PRSS55: variants seen among roughly 807,000 people sequenced by gnomAD.
PRSS55 encodes serine protease 55.
A neutral mutation model predicts 23.6 loss-of-function variants in PRSS55; 41 were observed. The observed-to-expected ratio is 1.74, with a 90% confidence interval of 1.35 to 2.26. The LOEUF (loss-of-function observed/expected upper bound fraction) is 2.26, where lower values mean the gene tolerates loss of function less well. Among genes scored for constraint, PRSS55 ranks in the 30% most tolerant of loss-of-function variants. The pLI, the probability that PRSS55 is intolerant of heterozygous loss-of-function variation, is 0.00. For missense variants in PRSS55, 669 were observed against 439.1 expected, an observed-to-expected ratio of 1.52 and a Z score of -4.68; for synonymous variants, 262 against 175.5, an observed-to-expected ratio of 1.49 and a Z score of -3.90.
intron 4 of PRSS55, chr8:10,545,004 C>CA (rs1812780485): frequency 1.0e-6 from 1 of 985,084 alleles, no homozygotes; most frequent in Admixed American, 6.1e-5. Flanking sequence ...TCTGTTGACC[C>CA]AGCCTCAACA....
chr8:10,549,445 T>A (rs1460855763), intron 4 of PRSS55, among the ~76,000 whole-genome samples: 2 of 152,174 alleles, frequency 1.3e-5, no homozygotes, highest in Non-Finnish European at 2.9e-5. Context: ...GATGATGGCA[T>A]CGGCATGTTG....
chr8:10,542,386 G>A (rs1052041558), downstream of PRSS55, among the ~76,000 whole-genome samples: 1 of 136,704 alleles, frequency 7.3e-6, no homozygotes, highest in Non-Finnish European at 1.5e-5. Flanking sequence ...CAATTGTTAG[G>A]TATTTCATTT....
At chr8:10,532,876 C>G in intron 3 of PRSS55, 30 bp from the exon 4 acceptor site, 1 of 1,613,638 alleles carries the variant, frequency 6.2e-7, no homozygotes, top group Non-Finnish European at 8.5e-7. Context: ...GGCCCAGTGG[C>G]TTCTCTAATG....
intron 4 of PRSS55, among the ~76,000 whole-genome samples, chr8:10,545,495 T>A (rs1445700962): frequency 6.6e-6 from 1 of 152,244 alleles, no homozygotes; most frequent in Non-Finnish European, 1.5e-5. Flanking sequence ...TCCATTTCTA[T>A]GCTTATCTCT....
chr8:10,544,889 ATTTAAC>A (rs1812776177), intron 4 of PRSS55: 2 of 463,098 alleles, frequency 4.3e-6, no homozygotes, highest in Non-Finnish European at 5.7e-6. Flanking sequence ...TTGTTACATT[ATTTAAC>A]TTTATGTCTC....
chr8:10,538,709 G>T lies in PRSS55; in HGVS notation c.975G>T (p.Ser325=). Reference sequence around the variant, plus strand: ...AGAAACCTATGGGCTCCCCAGTCTCGGGAGTCCCAGAGCCAGGCAGCCCCA... The same window carrying T: ...AGAAACCTATGGGCTCCCCAGTCTCTGGAGTCCCAGAGCCAGGCAGCCCCA... The part of the protein sequence containing the change: ...VKQKPMGSPV[S]GVPEPGSPRS... The change falls in exon 5 of 5, where the codon TCG becomes TCT. Residue 325 remains serine (S), a synonymous_variant. Coordinates refer to ENST00000328655, the MANE Select transcript of PRSS55 (RefSeq NM_198464.4). 2 of 1,613,960 alleles carry T rather than the reference G, an allele frequency of 1.2e-6. No homozygotes were observed. Among genetic ancestry groups the T allele is most frequent in the Non-Finnish European group, 1.7e-6 (2 of 1,179,952 alleles).
chr8:10,527,189 G>A lies in PRSS55; in HGVS notation c.154+1450G>A, dbSNP rs7815715. Among the ~76,000 whole-genome samples, 10 of 152,220 alleles carry A rather than the reference G, an allele frequency of 6.6e-5. No individual in the cohort carries two copies. In the East Asian group the frequency reaches 1.9e-3, roughly 29 times the overall value. On this transcript the variant is annotated intron_variant, in intron 1 of 4. Transcript: ENST00000328655. The stretch of plus-strand genomic sequence containing the variant: ...AACATTTTCCTGTGTTGTTAAAAAT[G>A]CCCCATGAGCCTAACTTTGTGGCTG...
Position 10,531,525 on chromosome 8 carries a change from G to A in PRSS55, c.578G>A (p.Gly193Asp). Residue 193 changes from glycine (G) to aspartate (D), a missense_variant, in exon 3 of 5, where the codon GGT becomes GAT. Physicochemically the swap from Gly to Asp is moderately conservative, Grantham distance 94 (BLOSUM62 -1). Transcript: ENST00000328655. Reference sequence around the variant, plus strand: ...ACATGGCGCGAATGCTGGGTGGCAGGTTGGGGCCAGACCAATGCTGGTATG... The same window carrying A: ...ACATGGCGCGAATGCTGGGTGGCAGATTGGGGCCAGACCAATGCTGGTATG... ...PATWRECWVAGWGQTNAADKN... is the reference protein window; with the variant it reads ...PATWRECWVADWGQTNAADKN... The A allele has an allele frequency of 2.5e-6, 4 of 1,613,704 alleles. No homozygotes were observed. The highest frequency in any genetic ancestry group is 2.2e-5 in the East Asian group (1 of 44,884).
Position 10,531,521 on chromosome 8 carries a change from G to A in PRSS55, c.574G>A (p.Ala192Thr). The A allele has an allele frequency of 6.2e-7, 1 of 1,613,716 alleles. No individual in the cohort carries two copies. Among genetic ancestry groups the A allele is most frequent in the Non-Finnish European group, 8.5e-7 (1 of 1,180,044 alleles). The change falls in exon 3 of 5, where the codon GCA becomes ACA. Residue 192 changes from alanine (A) to threonine (T), a missense_variant. Coordinates refer to ENST00000328655, the MANE Select transcript of PRSS55 (RefSeq NM_198464.4). ...TGCCACATGGCGCGAATGCTGGGTG[G>A]CAGGTTGGGGCCAGACCAATGCTGG... ...GPATWRECWVAGWGQTNAADK... is the reference protein window; with the variant it reads ...GPATWRECWVTGWGQTNAADK...
intron 2 of PRSS55, among the ~76,000 whole-genome samples, chr8:10,531,032 A>G (rs909956646): frequency 2.0e-5 from 3 of 152,216 alleles, no homozygotes; most frequent in Non-Finnish European, 4.4e-5. Flanking sequence ...TGTATTAGAC[A>G]GAAGCACCTC....
chr8:10,540,697 A>T (rs992189487), downstream of PRSS55: 2 of 152,188 alleles, frequency 1.3e-5, no homozygotes, highest in African/African-American at 4.8e-5. Context: ...CCTGGGCATC[A>T]AGAGTGAACT....
downstream of PRSS55, chr8:10,538,824 G>A (rs1230443053): frequency 1.3e-6 from 2 of 1,524,028 alleles, no homozygotes; most frequent in Non-Finnish European, 1.8e-6. Flanking sequence ...TTTCAACCGA[G>A]GGAGGGTGCA....
intron 4 of PRSS55, among the ~76,000 whole-genome samples, chr8:10,536,669 G>T (rs1585879907): frequency 6.7e-6 from 1 of 148,288 alleles, no homozygotes; most frequent in African/African-American, 2.5e-5. Context: ...GTACACTGTG[G>T]AATACTACGA....
At chr8:10,545,083 T>C in intron 4 of PRSS55, 1 of 892,806 alleles carries the variant, frequency 1.1e-6, no homozygotes, top group Non-Finnish European at 1.3e-6. Flanking sequence ...GGGCTTTTGG[T>C]TTTTGGTTTT....
intron 4 of PRSS55, among the ~76,000 whole-genome samples, chr8:10,546,502 C>T: frequency 6.6e-6 from 1 of 152,166 alleles, no homozygotes. Context: ...ACAAGGCATC[C>T]AGCATCCGAA....
At chr8:10,537,619 G>T (rs1812502115) in intron 4 of PRSS55, among the ~76,000 whole-genome samples, 1 of 152,270 alleles carries the variant, frequency 6.6e-6, no homozygotes, top group Admixed American at 6.5e-5. Context: ...TTAATACAAA[G>T]AAATGATAAA....
At chr8:10,549,410 C>G (rs553130061) in intron 4 of PRSS55, among the ~76,000 whole-genome samples, 1 of 152,098 alleles carries the variant, frequency 6.6e-6, no homozygotes, top group South Asian at 2.1e-4. Flanking sequence ...AGGGATGGCC[C>G]AAGTTGATGG....
intron 4 of PRSS55, among the ~76,000 whole-genome samples, chr8:10,537,979 G>C (rs1474360784): frequency 6.6e-6 from 1 of 152,138 alleles, no homozygotes; most frequent in South Asian, 2.1e-4. Context: ...CATCCTGGAA[G>C]GGTCACACAT....
chr8:10,529,517 C>A lies in PRSS55; in HGVS notation c.165C>A (p.Asp55Glu). 1 of 1,614,108 alleles carries A rather than the reference C, an allele frequency of 6.2e-7. No individual in the cohort carries two copies. The highest frequency in any genetic ancestry group is 8.5e-7 in the Non-Finnish European group (1 of 1,179,954). The part of the protein sequence containing the change: ...HPPSPVSECG[D>E]RSIFEGRTRY... ...CTTTCTTTCCACCAGAATGTGGTGACAGATCTATTTTCGAGGGAAGAACTC... is the reference window on the plus strand; with the variant it reads ...CTTTCTTTCCACCAGAATGTGGTGAAAGATCTATTTTCGAGGGAAGAACTC... Residue 55 changes from aspartate to glutamate, a missense_variant, in exon 2 of 5, where the codon GAC (aspartate) becomes GAA (glutamate). Coordinates refer to ENST00000328655, the MANE Select transcript of PRSS55 (RefSeq NM_198464.4).
Sources: gnomAD v4.1 joint callset for allele counts (sites outside exome capture counted in the v4.1 genomes callset) on GRCh38, gnomAD v4.1.1 for gene constraint, MANE v1.5 for transcripts, NCBI Gene and HGNC (gene_info 2026-07-23, HGNC 2026-07-21) for gene names.